Variants in SPDYE10 observed in about 807,000 individuals in gnomAD.
The protein encoded by SPDYE10 is speedy protein E10.
the SPDYE10 span, among the ~76,000 whole-genome samples, chr7:73,115,274 T>C: frequency 9.2e-5 from 14 of 152,258 alleles, no homozygotes; most frequent in African/African-American, 3.1e-4. Context: ...ATGCACAATT[T>C]ATTTGAAAAG....
At chr7:73,127,936 A>G in the SPDYE10 span, among the ~76,000 whole-genome samples, 2 of 136,030 alleles carry the variant, frequency 1.5e-5, no homozygotes, top group African/African-American at 5.8e-5. Flanking sequence ...TCTTATCCCA[A>G]CCATTCCACA....
chr7:73,114,941 C>A, the SPDYE10 span, among the ~76,000 whole-genome samples: 1 of 146,270 alleles, frequency 6.8e-6, no homozygotes, highest in East Asian at 2.1e-4. Flanking sequence ...GAGTCTCGCT[C>A]TGTCATCCAG....
At chr7:73,127,660 G>A in the SPDYE10 span, among the ~76,000 whole-genome samples, 19 of 124,572 alleles carry the variant, frequency 1.5e-4, no homozygotes, top group South Asian at 1.2e-3. Context: ...AAAAAAACAG[G>A]CAAAGAATAT....
the SPDYE10 span, among the ~76,000 whole-genome samples, chr7:73,115,236 C>A: frequency 6.6e-6 from 1 of 152,160 alleles, no homozygotes; most frequent in East Asian, 1.9e-4. Context: ...TGCCTCTGAA[C>A]TCCCTCTTCC....
At chr7:73,144,866 AT>A in the SPDYE10 span, among the ~76,000 whole-genome samples, 1 of 89,742 alleles carries the variant, frequency 1.1e-5, no homozygotes, top group Non-Finnish European at 2.0e-5. Flanking sequence ...CAAAAAAAAA[AT>A]TAACTGGGCA....
At chr7:73,130,074 C>T in the SPDYE10 span, among the ~76,000 whole-genome samples, 66 of 149,894 alleles carry the variant, frequency 4.4e-4, no homozygotes, top group African/African-American at 1.7e-3. Context: ...GAACTCCTGG[C>T]CTCAAGCCAT....
At chr7:73,113,759 G>C in the SPDYE10 span, among the ~76,000 whole-genome samples, 2 of 152,048 alleles carry the variant, frequency 1.3e-5, no homozygotes, top group African/African-American at 2.4e-5. Context: ...GACGGGGCCA[G>C]GTGCCATGGC....
the SPDYE10 span, among the ~76,000 whole-genome samples, chr7:73,149,056 C>A: frequency 6.6e-6 from 1 of 151,984 alleles, no homozygotes; most frequent in South Asian, 2.1e-4. Context: ...ACACGGCTCA[C>A]TGTAGTCTCA....
chr7:73,138,513 G>C, the SPDYE10 span, among the ~76,000 whole-genome samples: 1 of 147,050 alleles, frequency 6.8e-6, no homozygotes, highest in South Asian at 2.1e-4. Flanking sequence ...CGAGTAGCTG[G>C]GATTACAGGC....
At chr7:73,120,704 C>T in the SPDYE10 span, among the ~76,000 whole-genome samples, 4 of 136,206 alleles carry the variant, frequency 2.9e-5, no homozygotes, top group African/African-American at 1.2e-4. Context: ...AGGAGAATGG[C>T]GTGAACCCAG....
chr7:73,123,788 CCTCTCT>C, the SPDYE10 span, among the ~76,000 whole-genome samples: 157 of 97,446 alleles, frequency 1.6e-3, no homozygotes, highest in Admixed American at 4.4e-3. Flanking sequence ...TCTCTCTCTC[CCTCTCT>C]CTCTCTCTCT....
chr7:73,123,788 C>CCTCTCTCCCTCTCTCTCTCTCTCTCT, the SPDYE10 span, among the ~76,000 whole-genome samples: 1 of 97,458 alleles, frequency 1.0e-5, no homozygotes, highest in African/African-American at 5.1e-5. Flanking sequence ...TCTCTCTCTC[C>CCTCTCTCCCTCTCTCTCTCTCTCTCT]CTCTCTCTCT....
chr7:73,155,160 G>A, the SPDYE10 span: 1 of 135,706 alleles, frequency 7.4e-6, no homozygotes, highest in Middle Eastern at 3.5e-3. Flanking sequence ...TGCCGGCAGG[G>A]CGCGGAGGGG....
At chr7:73,123,778 T>TCTCTCTCTCC in the SPDYE10 span, among the ~76,000 whole-genome samples, 33 of 149,066 alleles carry the variant, frequency 2.2e-4, no homozygotes, top group African/African-American at 7.5e-4. Flanking sequence ...TCTCTCTCTC[T>TCTCTCTCTCC]CTCTCTCTCC....
chr7:73,152,041 A>G, the SPDYE10 span, among the ~76,000 whole-genome samples: 2 of 148,632 alleles, frequency 1.3e-5, no homozygotes, highest in African/African-American at 5.0e-5. Flanking sequence ...TTGAGGCAGA[A>G]TCTCATTCTG....
chr7:73,149,672 A>C, the SPDYE10 span, among the ~76,000 whole-genome samples: 1 of 150,840 alleles, frequency 6.6e-6, no homozygotes, highest in Non-Finnish European at 1.5e-5. Flanking sequence ...GGCTGCACTC[A>C]GTTAGACAGT....
the SPDYE10 span, among the ~76,000 whole-genome samples, chr7:73,135,125 C>T: frequency 6.6e-6 from 1 of 152,180 alleles, no homozygotes; most frequent in Admixed American, 6.5e-5. Flanking sequence ...CCTGCTCAGC[C>T]CTGGGGCAGC....
At chr7:73,147,334 A>T in the SPDYE10 span, among the ~76,000 whole-genome samples, 4 of 105,688 alleles carry the variant, frequency 3.8e-5, no homozygotes, top group Non-Finnish European at 5.7e-5. Context: ...TTCCCAGCTA[A>T]TTTTTTTGTA....
At chr7:73,135,235 A>G in the SPDYE10 span, among the ~76,000 whole-genome samples, 6 of 151,686 alleles carry the variant, frequency 4.0e-5, no homozygotes, top group Non-Finnish European at 8.8e-5. Context: ...ATGAATCCCT[A>G]CCTCTCCAGA....
Sources: gnomAD v4.1 joint callset for allele counts (sites outside exome capture counted in the v4.1 genomes callset) on GRCh38, gnomAD v4.1.1 for gene constraint, MANE v1.5 for transcripts, NCBI Gene and HGNC (gene_info 2026-07-23, HGNC 2026-07-21) for gene names.